ZNF536: variants seen among roughly 807,000 people sequenced by gnomAD.
ZNF536 encodes zinc finger protein 536.
A neutral mutation model predicts 84.5 loss-of-function variants in ZNF536; 13 were observed. The observed-to-expected ratio is 0.15, with a 90% CI of 0.10 to 0.24. The LOEUF is 0.24. ZNF536 is among the 10% of genes least tolerant of loss of function. The probability of loss-of-function intolerance (pLI) is 1.00; values close to 1 mark genes in which losing one functional copy is unlikely to be tolerated. For synonymous variants in ZNF536, 811 were observed against 742.5 expected (o/e 1.09, Z -1.50); for missense variants, 1,536 against 1,747.5 (o/e 0.88, Z 2.16).
chr19:30,544,267 C>A (rs1319188609), intron 3 of ZNF536, among the ~76,000 whole-genome samples: 1 of 152,084 alleles, frequency 6.6e-6, no homozygotes, highest in Admixed American at 6.5e-5. Context: ...CCCTTTCATC[C>A]CAGTGCAGAA....
At chr19:30,344,163 G>A (rs779705502) in intron 2 of ZNF536, among the ~76,000 whole-genome samples, 1 of 151,504 alleles carries the variant, frequency 6.6e-6, no homozygotes, top group Non-Finnish European at 1.5e-5. Context: ...GACAAGGACA[G>A]CCAGTGGCCC....
chr19:30,429,278 G>A (rs746402610), intron 1 of ZNF536, among the ~76,000 whole-genome samples: 1 of 152,176 alleles, frequency 6.6e-6, no homozygotes, highest in Non-Finnish European at 1.5e-5. Flanking sequence ...TGGGAATGTT[G>A]CCCTGGTGGA....
chr19:30,627,373 A>G (rs1443532999), intron 1 of ZNF536, among the ~76,000 whole-genome samples: 1 of 144,962 alleles, frequency 6.9e-6, no homozygotes, highest in Non-Finnish European at 1.5e-5. Flanking sequence ...CGGGAAGCTG[A>G]GGGAAGAGGA....
chr19:30,347,945 T>C (rs2047803036), intron 2 of ZNF536, among the ~76,000 whole-genome samples: 1 of 152,236 alleles, frequency 6.6e-6, no homozygotes. Flanking sequence ...TCTTCTCCTA[T>C]GTCTTACTTC....
At chr19:30,498,606 T>TA (rs200071010) in intron 2 of ZNF536, among the ~76,000 whole-genome samples, 7 of 126,572 alleles carry the variant, frequency 5.5e-5, no homozygotes, top group African/African-American at 2.8e-4. Flanking sequence ...AAATTAAAAA[T>TA]AAAAAAAAGT....
In ZNF536 at chr19:30,443,720, G is replaced by A. The variant is rs1404382104; in HGVS notation, c.158G>A (p.Arg53Gln). 3.1e-6 allele frequency: 5 copies of A among 1,613,252 alleles called. No homozygotes were observed. The highest frequency in any genetic ancestry group is 3.3e-5 in the Admixed American group (2 of 59,954). The change falls in exon 2 of 5, where the codon CGG becomes CAG. Residue 53 changes from arginine to glutamine, a missense_variant. By Grantham distance (43) the Arg-to-Gln change is conservative. Coordinates refer to ENST00000355537, the MANE Select transcript of ZNF536 (RefSeq NM_014717.3). ...LSHAFPELHP[R>Q]PNPEEKPPAS... is the part of the protein sequence containing the mutation. ...CATGCCTTCCCCGAGCTCCATCCCC[G>A]GCCCAACCCCGAGGAGAAGCCCCCC...
At chr19:30,239,978 G>C (rs531216788) in intron 1 of ZNF536, among the ~76,000 whole-genome samples, 1 of 152,326 alleles carries the variant, frequency 6.6e-6, no homozygotes, top group African/African-American at 2.4e-5. Flanking sequence ...CTTCTATGGA[G>C]ACATCAGGGA....
chr19:30,363,378 G>A (rs890223997), intron 3 of ZNF536, among the ~76,000 whole-genome samples: 10 of 152,126 alleles, frequency 6.6e-5, no homozygotes, highest in African/African-American at 2.2e-4. Flanking sequence ...CTGTGGATTC[G>A]CGGGGACCTG....
intron 1 of ZNF536, among the ~76,000 whole-genome samples, chr19:30,675,528 T>G (rs1439564160): frequency 6.6e-6 from 1 of 152,192 alleles, no homozygotes; most frequent in Non-Finnish European, 1.5e-5. Context: ...TTATTTGAGA[T>G]GTAACCCATG....
At chr19:30,577,969 C>G (rs2046796871) in intron 1 of ZNF536, among the ~76,000 whole-genome samples, 1 of 152,172 alleles carries the variant, frequency 6.6e-6, no homozygotes, top group African/African-American at 2.4e-5. Context: ...ATGAATCACT[C>G]TTTTAAAACA....
intron 2 of ZNF536, among the ~76,000 whole-genome samples, chr19:30,467,920 A>G (rs1200522941): frequency 6.6e-6 from 1 of 152,232 alleles, no homozygotes; most frequent in African/African-American, 2.4e-5. Flanking sequence ...AAGCTGTGCC[A>G]CAGCCCTGGC....
At chr19:30,381,211 G>A (rs779215482) in intron 1 of ZNF536, among the ~76,000 whole-genome samples, 2 of 152,138 alleles carry the variant, frequency 1.3e-5, no homozygotes, top group Non-Finnish European at 2.9e-5. Context: ...CACAAACCAT[G>A]CCCCCAGAGG....
At chr19:30,524,625 A>G (rs1407237492) in intron 2 of ZNF536, among the ~76,000 whole-genome samples, 1 of 152,230 alleles carries the variant, frequency 6.6e-6, no homozygotes, top group African/African-American at 2.4e-5. Context: ...AATACATTTT[A>G]AAAAAGATTG....
chr19:30,495,427 C>A (rs2054678491), intron 2 of ZNF536, among the ~76,000 whole-genome samples: 1 of 152,068 alleles, frequency 6.6e-6, no homozygotes, highest in African/African-American at 2.4e-5. Context: ...AGTGTAGGAT[C>A]CTTATGCTGT....
intron 2 of ZNF536, among the ~76,000 whole-genome samples, chr19:30,454,750 G>C (rs967777702): frequency 6.6e-5 from 10 of 152,036 alleles, no homozygotes; most frequent in African/African-American, 2.4e-4. Flanking sequence ...TTTCCACTTG[G>C]GACCGGGTGT....
At chr19:30,618,693 G>A (rs2048382594) in intron 1 of ZNF536, among the ~76,000 whole-genome samples, 1 of 151,878 alleles carries the variant, frequency 6.6e-6, no homozygotes, top group Non-Finnish European at 1.5e-5. Flanking sequence ...TATTCTAATA[G>A]TTACCTTTGT....
chr19:30,343,428 G>A (rs2047628712), intron 2 of ZNF536, among the ~76,000 whole-genome samples: 2 of 152,168 alleles, frequency 1.3e-5, no homozygotes, highest in Admixed American at 1.3e-4. Context: ...ACTTACTGAT[G>A]TTAGCAAGCT....
chr19:30,579,217 G>C (rs1349211160), intron 1 of ZNF536, among the ~76,000 whole-genome samples: 1 of 152,180 alleles, frequency 6.6e-6, no homozygotes, highest in Non-Finnish European at 1.5e-5. Flanking sequence ...GCTTGCACCT[G>C]ATCGAATGAC....
Position 30,661,274 on chromosome 19 carries a change from A to T in ZNF536, c.170-49483A>T, listed in dbSNP as rs1469703. On this transcript the variant is annotated intron_variant, in intron 1 of 1. Coordinates refer to the ZNF536 transcript ENST00000592773. ...AGAGACTACATTGACTGACTCTCTT[A>T]ATTTAATCTTTCTTCTGATGACAGA... Among the ~76,000 whole-genome samples, 637 of 152,304 alleles carry T rather than the reference A, an allele frequency of 4.2e-3. 8 individuals are homozygous for T. Among genetic ancestry groups the T allele is most frequent in the African/African-American group, 0.014 (594 of 41,560 alleles).
Sources: gnomAD v4.1 joint callset for allele counts (sites outside exome capture counted in the v4.1 genomes callset) on GRCh38, gnomAD v4.1.1 for gene constraint, MANE v1.5 for transcripts, NCBI Gene and HGNC (gene_info 2026-07-23, HGNC 2026-07-21) for gene names.